Variants in KMT2C observed in about 807,000 individuals in gnomAD.
The protein encoded by KMT2C is histone-lysine N-methyltransferase 2C.
A neutral mutation model predicts 507.9 loss-of-function variants in KMT2C; 88 were observed. The observed-to-expected ratio is 0.17, with a 90% confidence interval of 0.15 to 0.21. The LOEUF (loss-of-function observed/expected upper bound fraction) is 0.21. Among genes scored for constraint, KMT2C ranks in the 10% least tolerant of loss-of-function variants. The pLI is 1.00. For missense variants in KMT2C, 4,954 were observed against 5,957.8 expected, an observed-to-expected ratio of 0.83 and a Z score of 5.55; for synonymous variants, 2,049 against 2,080.8, an observed-to-expected ratio of 0.98 and a Z score of 0.42.
chr7:152,187,194 TAAAA>T, intron 33 of KMT2C, 64 bp downstream of exon 33: 1 of 1,138,338 alleles, frequency 8.8e-7, no homozygotes, highest in Non-Finnish European at 1.3e-6. Context: ...CTATTGCAGT[TAAAA>T]AAAAAAAAGG....
At chr7:152,332,860 A>T (rs560156433) in intron 2 of KMT2C, among the ~76,000 whole-genome samples, 1 of 147,052 alleles carries the variant, frequency 6.8e-6, no homozygotes, top group East Asian at 2.0e-4. Flanking sequence ...AAACACACAC[A>T]CACACACACA....
chr7:152,163,623 T>C lies in KMT2C; in HGVS notation c.9954A>G (p.Thr3318=). 1.2e-6 allele frequency: 2 copies of C among 1,609,598 alleles called. No homozygotes were observed. Among genetic ancestry groups the C allele is most frequent in the African/African-American group, 1.3e-5 (1 of 74,934 alleles). ...CAGGGCTAGTATGGCCAGAAATAAC[T>C]GTTGTGTGCTGCTGGTGCTGAAGCT... is the stretch of plus-strand genomic sequence containing the variant. ...PQQLQHQQHT[T]VISGHTSPVR... Residue 3318 remains threonine, a synonymous_variant, in exon 43 of 59, where the codon ACA becomes ACG. Coordinates refer to ENST00000262189, the MANE Select transcript of KMT2C (RefSeq NM_170606.3).
intron 6 of KMT2C, among the ~76,000 whole-genome samples, chr7:152,288,487 C>T (rs144278362): frequency 1.3e-5 from 2 of 151,834 alleles, no homozygotes; most frequent in Non-Finnish European, 2.9e-5. Flanking sequence ...GAGCTGAGAT[C>T]GTACCACTTC....
chr7:152,145,253 C>T lies in KMT2C; in HGVS notation c.14074G>A (p.Gly4692Ser), dbSNP rs746947629. Residue 4692 changes from glycine (G) to serine (S), a missense_variant, in exon 54 of 59, where the codon GGC becomes AGC. Coordinates refer to ENST00000262189, the MANE Select transcript of KMT2C (RefSeq NM_170606.3). Reference protein sequence around the residue: ...EACENYTFRYGRNPLMELPLA... With the variant: ...EACENYTFRYSRNPLMELPLA... Reference sequence around the variant, plus strand: ...GGAAGTTCCATGAGAGGATTTCGGCCGTATCGGAAGGTATAATTTTCACAT... The same window carrying T: ...GGAAGTTCCATGAGAGGATTTCGGCTGTATCGGAAGGTATAATTTTCACAT... 14 of 1,614,004 alleles carry T rather than the reference C, an allele frequency of 8.7e-6. No homozygotes were observed. The South Asian group carries it at 8.8e-5, about 10-fold the overall frequency.
chr7:152,328,495 T>C (rs892306993), intron 3 of KMT2C, among the ~76,000 whole-genome samples: 8 of 152,062 alleles, frequency 5.3e-5, no homozygotes, highest in Admixed American at 1.3e-4. Flanking sequence ...GAGTGACAAA[T>C]GACATGAGAG....
chr7:152,273,079 T>C (rs1323509453), intron 7 of KMT2C, among the ~76,000 whole-genome samples: 1 of 152,128 alleles, frequency 6.6e-6, no homozygotes, highest in African/African-American at 2.4e-5. Flanking sequence ...AATGATACAA[T>C]AGTAAAGAGT....
At chr7:152,350,280 A>T (rs891526110) in intron 2 of KMT2C, among the ~76,000 whole-genome samples, 1 of 152,172 alleles carries the variant, frequency 6.6e-6, no homozygotes, top group African/African-American at 2.4e-5. Flanking sequence ...AATAAAGTCT[A>T]TTTTTAAAAA....
intron 1 of KMT2C, among the ~76,000 whole-genome samples, chr7:152,424,770 C>T (rs1231100177): frequency 5.9e-5 from 9 of 152,108 alleles, no homozygotes; most frequent in Non-Finnish European, 1.5e-5. Context: ...ATTCAACAGG[C>T]AAGTCAACTA....
At chr7:152,310,143 A>G in intron 5 of KMT2C, 68 bp from the exon 6 acceptor site, 1 of 1,035,840 alleles carries the variant, frequency 9.7e-7, no homozygotes, top group Admixed American at 2.2e-5. Context: ...ATAAATAAAG[A>G]CATAAAACTT....
chr7:152,179,908 A>C lies in KMT2C; in HGVS notation c.7368T>G (p.Ala2456=). ...GTCCACGCTGATCTTTTGGGAAAAC[A>C]GCATATCTAGGTCCTAAAGGAGGGG... The part of the protein sequence containing the change: ...PVAPPLGPRY[A]VFPKDQRGPY... The change falls in exon 37 of 59, where the codon GCT becomes GCG. Residue 2456 remains alanine, a synonymous_variant. Coordinates refer to ENST00000262189, the MANE Select transcript of KMT2C (RefSeq NM_170606.3). 6.2e-7 allele frequency: 1 copy of C among 1,614,148 alleles called. No individual in the cohort carries two copies.
intron 7 of KMT2C, 97 bp from the exon 8 acceptor site, chr7:152,265,306 C>G: frequency 2.0e-6 from 3 of 1,535,532 alleles, no homozygotes; most frequent in Non-Finnish European, 2.7e-6. Context: ...CATCATGAAC[C>G]TTTCAGACAT....
rs2129089869 is a variant in KMT2C, at chr7:152,139,728, T to C, written c.14407A>G (p.Thr4803Ala). 1 of 1,614,070 alleles carries C rather than the reference T, an allele frequency of 6.2e-7. No homozygotes were observed. Among genetic ancestry groups the C allele is most frequent in the Non-Finnish European group, 8.5e-7 (1 of 1,180,014 alleles). ...KHTMVIEYIG[T>A]IIRNEVANRK... Reference sequence around the variant, plus strand: ...TTGGCTACTTCGTTTCGAATGATAGTCCCGATGTACTCAATGACCATGGTG... The same window carrying C: ...TTGGCTACTTCGTTTCGAATGATAGCCCCGATGTACTCAATGACCATGGTG... The change falls in exon 56 of 59, where the codon ACT becomes GCT. Residue 4803 changes from threonine (T) to alanine (A), a missense_variant. By Grantham distance (58) the Thr-to-Ala change is moderately conservative (BLOSUM62 0). This residue lies in a region of KMT2C where 133 missense variants were observed against 258.9 expected (regional missense o/e 0.51). Transcript: ENST00000262189.
intron 1 of KMT2C, among the ~76,000 whole-genome samples, chr7:152,423,093 A>C (rs1204955885): frequency 6.6e-6 from 1 of 152,058 alleles, no homozygotes; most frequent in East Asian, 1.9e-4. Context: ...GTAATTCCAA[A>C]ACTTTGGGAG....
chr7:152,371,892 G>C (rs765258931), intron 1 of KMT2C, among the ~76,000 whole-genome samples: 2 of 152,022 alleles, frequency 1.3e-5, no homozygotes, highest in Non-Finnish European at 2.9e-5. Context: ...GGTATTACAG[G>C]TGTGAGCCAC....
At chr7:152,430,217 C>G (rs1463803920) in intron 1 of KMT2C, among the ~76,000 whole-genome samples, 1 of 151,450 alleles carries the variant, frequency 6.6e-6, no homozygotes, top group African/African-American at 2.4e-5. Flanking sequence ...CATCTCTATT[C>G]TACTTCGTAA....
At chr7:152,274,948 T>C (rs78242626) in intron 6 of KMT2C, among the ~76,000 whole-genome samples, 1 of 152,150 alleles carries the variant, frequency 6.6e-6, no homozygotes, top group Non-Finnish European at 1.5e-5. Flanking sequence ...TGGTGATCTT[T>C]TTTGTGAGTG....
At chr7:152,302,110 G>A (rs1469918182) in intron 6 of KMT2C, among the ~76,000 whole-genome samples, 2 of 152,100 alleles carry the variant, frequency 1.3e-5, no homozygotes, top group Non-Finnish European at 2.9e-5. Flanking sequence ...AAAGACATCT[G>A]GCACAAAATA....
At chr7:152,226,218 C>CATTTTTTTTTT (rs1563479395) in intron 18 of KMT2C, among the ~76,000 whole-genome samples, 2 of 128,026 alleles carry the variant, frequency 1.6e-5, no homozygotes, top group African/African-American at 6.5e-5. Context: ...CATTACAAGG[C>CATTTTTTTTTT]CTTTTTTTTT....
intron 1 of KMT2C, among the ~76,000 whole-genome samples, chr7:152,393,727 T>C (rs1441757096): frequency 1.3e-5 from 2 of 152,218 alleles, no homozygotes; most frequent in East Asian, 3.9e-4. Context: ...ACCCTGTCTC[T>C]ACTAAAAACA....
Sources: gnomAD v4.1 joint callset for allele counts (sites outside exome capture counted in the v4.1 genomes callset) on GRCh38, gnomAD v4.1.1 for gene constraint, gnomAD v4.1.1 regional missense constraint, MANE v1.5 for transcripts, NCBI Gene and HGNC (gene_info 2026-07-23, HGNC 2026-07-21) for gene names.